Variants in ZFC3H1 observed in about 807,000 individuals in gnomAD.
ZFC3H1 encodes the protein zinc finger C3H1 domain-containing protein.
ZFC3H1 carries 71 observed loss-of-function variants against 243.7 expected under a neutral mutation model. The observed-to-expected ratio is 0.29, with a 90% CI of 0.24 to 0.36. The LOEUF is 0.36. ZFC3H1 is among the 10% of genes least tolerant of loss of function. ZFC3H1 has a pLI of 1.00. For missense variants in ZFC3H1, 1,966 were observed against 2,317.1 expected (o/e 0.85, Z 3.11); for synonymous variants, 838 against 813.0 (o/e 1.03, Z -0.52).
chr12:71,644,020 T>C (rs1367256526), intron 5 of ZFC3H1, 75 bp downstream of exon 5: 1 of 1,294,846 alleles, frequency 7.7e-7, no homozygotes, highest in Non-Finnish European at 1.1e-6. Context: ...ACTTCCTTAT[T>C]TGACAGAATC....
At chr12:71,656,769 T>C in intron 2 of ZFC3H1, 116 bp downstream of exon 2, 1 of 1,089,026 alleles carries the variant, frequency 9.2e-7, no homozygotes, top group Non-Finnish European at 1.3e-6. Context: ...ACATAGAAAG[T>C]ACAAAAGAAT....
chr12:71,625,230 T>C (rs915906382), intron 22 of ZFC3H1, among the ~76,000 whole-genome samples: 4 of 152,300 alleles, frequency 2.6e-5, no homozygotes, highest in South Asian at 2.1e-4. Context: ...CCAAATCTAT[T>C]TGGTTCACAA....
At chr12:71,642,203 TA>T (rs1880617668) in intron 6 of ZFC3H1, among the ~76,000 whole-genome samples, 1 of 152,194 alleles carries the variant, frequency 6.6e-6, no homozygotes, top group African/African-American at 2.4e-5. Context: ...ATGTCTTATT[TA>T]TTTGTTTTTT....
intron 9 of ZFC3H1, among the ~76,000 whole-genome samples, chr12:71,635,871 A>G (rs1409363688): frequency 6.6e-6 from 1 of 152,194 alleles, no homozygotes; most frequent in African/African-American, 2.4e-5. Context: ...TTTAAAACCA[A>G]AGAAAAATTT....
chr12:71,637,130 T>G (rs1880483845), intron 7 of ZFC3H1, 71 bp from the exon 8 acceptor site: 2 of 1,270,694 alleles, frequency 1.6e-6, no homozygotes, highest in Admixed American at 2.5e-5. Flanking sequence ...TGCAGCAATA[T>G]TAAACTAGAA....
At chr12:71,636,758 A>T (rs916639735) in intron 8 of ZFC3H1, 92 bp downstream of exon 8, 15 of 1,555,848 alleles carry the variant, frequency 9.6e-6, no homozygotes, top group Non-Finnish European at 1.3e-5. Flanking sequence ...TTTGCTGAAA[A>T]GCCCAATGAT....
chr12:71,662,220 AGGAAAAATCT>A lies in ZFC3H1; in HGVS notation c.598+783_598+792del, dbSNP rs760865025. 1.2e-4 allele frequency among the ~76,000 whole-genome samples: 19 copies of A among 152,362 alleles called. No homozygotes were observed. In the South Asian group the frequency reaches 1.7e-3, roughly 13 times the overall value. On this transcript the variant is annotated intron_variant, in intron 1 of 34. Transcript: ENST00000378743. Reference sequence around the variant, plus strand: ...TAAAACTGAGAATAAGGTTAGAAGTAGGAAAAATCTGGAATGTTACTATTTCCTTTCTCAA... The same window carrying A: ...TAAAACTGAGAATAAGGTTAGAAGTAGGAATGTTACTATTTCCTTTCTCAA...
At chr12:71,624,343 A>C in intron 22 of ZFC3H1, 51 bp from the exon 23 acceptor site, 2 of 1,491,698 alleles carry the variant, frequency 1.3e-6, no homozygotes, top group Non-Finnish European at 1.8e-6. Flanking sequence ...GAATAAACCA[A>C]AACTACAGAC....
Position 71,610,334 on chromosome 12 carries a change from A to G in ZFC3H1, c.*94T>C. ...GATCAATAACGCTTGTCTGCCTTAC[A>G]CAGACCTTAGCCAGGGATCAGCCTA... is the stretch of plus-strand genomic sequence containing the variant. On this transcript the variant is annotated 3_prime_UTR_variant, in exon 35 of 35. Transcript: ENST00000378743. 6.9e-7 allele frequency: 1 copy of G among 1,452,844 alleles called. No individual in the cohort carries two copies. Among genetic ancestry groups the G allele is most frequent in the South Asian group, 1.3e-5 (1 of 75,094 alleles). 90.0% of individuals were successfully genotyped at this position (1,452,844 alleles called of 1,614,324 possible).
chr12:71,645,781 T>C (rs1280674014), intron 3 of ZFC3H1, among the ~76,000 whole-genome samples: 2 of 152,226 alleles, frequency 1.3e-5, no homozygotes, highest in African/African-American at 4.8e-5. Flanking sequence ...GAAATAACTT[T>C]TGCATTTCAC....
At position 71,626,387 on chromosome 12, in the gene ZFC3H1, T is replaced by A. The variant is rs1342684408; in HGVS notation, c.4190A>T (p.Asn1397Ile). The A allele has an allele frequency of 1.2e-6, 2 of 1,614,102 alleles. No individual in the cohort carries two copies. Among genetic ancestry groups the A allele is most frequent in the South Asian group, 1.1e-5 (1 of 91,086 alleles). The change falls in exon 22 of 35, where the codon AAC becomes ATC. Residue 1397 changes from asparagine (N) to isoleucine (I), a missense_variant. Coordinates refer to ENST00000378743, the MANE Select transcript of ZFC3H1 (RefSeq NM_144982.5). The stretch of plus-strand genomic sequence containing the variant: ...GCACCAAATTTCTGGATTGTCTTTG[T>A]TATTTTCCAATGCTCGCGCCAGAAC... ...LNVLARALEN[N>I]KDNPEIWCHY...
chr12:71,638,569 T>C, intron 6 of ZFC3H1, 54 bp from the exon 7 acceptor site: 1 of 1,363,806 alleles, frequency 7.3e-7, no homozygotes, highest in Admixed American at 2.4e-5. Context: ...TCATCAGGAA[T>C]ATATTAAGTT....
At chr12:71,646,603 T>G (rs527454767) in intron 3 of ZFC3H1, among the ~76,000 whole-genome samples, 35 of 152,228 alleles carry the variant, frequency 2.3e-4, no homozygotes, top group Non-Finnish European at 4.4e-4. Flanking sequence ...AAAGTCTTTT[T>G]GTTTTCTTGT....
intron 27 of ZFC3H1, among the ~76,000 whole-genome samples, chr12:71,616,924 C>A (rs17109995): frequency 0.058 from 8,845 of 152,166 alleles, 358 homozygotes; most frequent in South Asian, 0.088. Flanking sequence ...AGACTATAAT[C>A]CCTAGTTTAA....
intron 21 of ZFC3H1, 41 bp downstream of exon 21, chr12:71,627,710 A>G (rs1366201079): frequency 6.5e-7 from 1 of 1,546,966 alleles, no homozygotes; most frequent in Admixed American, 2.1e-5. Flanking sequence ...ATAAAAATAT[A>G]AATGTGCAAC....
intron 2 of ZFC3H1, among the ~76,000 whole-genome samples, chr12:71,655,498 G>A (rs1323275924): frequency 6.6e-6 from 1 of 151,726 alleles, no homozygotes; most frequent in African/African-American, 2.4e-5. Context: ...GGAAAAAAAA[G>A]GTACAACTTA....
intron 1 of ZFC3H1, among the ~76,000 whole-genome samples, chr12:71,661,512 T>C (rs1299496586): frequency 6.9e-6 from 1 of 144,900 alleles, no homozygotes; most frequent in Non-Finnish European, 1.5e-5. Flanking sequence ...AAACGGAGTC[T>C]CGCTTTACCG....
intron 2 of ZFC3H1, among the ~76,000 whole-genome samples, chr12:71,650,629 AAAAC>A (rs1295500965): frequency 2.6e-5 from 4 of 152,208 alleles, no homozygotes; most frequent in Admixed American, 6.5e-5. Flanking sequence ...GTAATTATTT[AAAAC>A]AAACAAAAGA....
chr12:71,650,065 A>G (rs1149015), intron 2 of ZFC3H1, among the ~76,000 whole-genome samples: 147,448 of 152,170 alleles, frequency 0.97, 71,619 homozygotes, highest in Middle Eastern at 1. Context: ...GCAGGCACCT[A>G]TAGTCCCAGC....
Sources: allele counts gnomAD v4.1 joint callset (sites outside exome capture counted in the v4.1 genomes callset), GRCh38; gene constraint gnomAD v4.1.1; transcripts MANE v1.5; gene names NCBI Gene and HGNC (gene_info 2026-07-23, HGNC 2026-07-21).